KHDRBS2: variants seen among roughly 807,000 people sequenced by gnomAD.
KHDRBS2 encodes KH domain-containing, RNA-binding, signal transduction-associated protein 2.
Under a neutral mutation model 44.3 loss-of-function variants are expected in KHDRBS2, and 26 were observed. That is an observed-to-expected ratio of 0.59 (90% CI 0.43 to 0.81). The LOEUF is 0.81. Among genes scored for constraint, KHDRBS2 ranks in the 40% least tolerant of loss-of-function variants. The probability of loss-of-function intolerance (pLI) is 0.00; values close to 1 mark genes in which losing one functional copy is unlikely to be tolerated. For missense variants in KHDRBS2, 476 were observed against 433.1 expected (o/e 1.10, Z -0.88); for synonymous variants, 194 against 151.1 (o/e 1.28, Z -2.08).
chr6:61,909,041 C>T (rs1040044269), intron 4 of KHDRBS2, among the ~76,000 whole-genome samples: 11 of 151,614 alleles, frequency 7.3e-5, no homozygotes, highest in African/African-American at 2.4e-4. Flanking sequence ...TCTACTGGGG[C>T]TTAAATAGCA....
chr6:61,661,334 A>T, the KHDRBS2 span: 1 of 151,822 alleles, frequency 6.6e-6, no homozygotes, highest in Non-Finnish European at 1.5e-5. Context: ...GGTTTATTCC[A>T]GTTTTTCGTT....
chr6:61,689,425 TGTGA>T (rs1282771537), intron 8 of KHDRBS2, among the ~76,000 whole-genome samples: 10 of 151,952 alleles, frequency 6.6e-5, no homozygotes, highest in African/African-American at 2.4e-4. Context: ...CCCCCAAACT[TGTGA>T]GTGTTGTATG....
At chr6:61,855,798 C>T (rs768649533) in intron 6 of KHDRBS2, among the ~76,000 whole-genome samples, 3 of 151,930 alleles carry the variant, frequency 2.0e-5, no homozygotes, top group Non-Finnish European at 4.4e-5. Flanking sequence ...AGTTCTGAAG[C>T]GCTTTCAACA....
intron 4 of KHDRBS2, among the ~76,000 whole-genome samples, chr6:61,937,038 T>C (rs1486195684): frequency 6.6e-6 from 1 of 152,016 alleles, no homozygotes; most frequent in Non-Finnish European, 1.5e-5. Context: ...ATTTTCTTGA[T>C]TCTCTCCCTG....
chr6:61,710,719 A>T (rs1770359373), intron 7 of KHDRBS2, among the ~76,000 whole-genome samples: 1 of 148,210 alleles, frequency 6.7e-6, no homozygotes, highest in Non-Finnish European at 1.5e-5. Flanking sequence ...CCTAGGCAAG[A>T]TTCACCCTTT....
the KHDRBS2 span, among the ~76,000 whole-genome samples, chr6:61,581,101 T>TCTA: frequency 3.9e-5 from 6 of 152,212 alleles, no homozygotes; most frequent in African/African-American, 1.4e-4. Flanking sequence ...ATTCCCCTTT[T>TCTA]CTACTCATCC....
At chr6:61,583,843 A>G in the KHDRBS2 span, among the ~76,000 whole-genome samples, 1 of 151,612 alleles carries the variant, frequency 6.6e-6, no homozygotes, top group South Asian at 2.1e-4. Context: ...CAACCCATAA[A>G]CACAGTGTAT....
At chr6:61,997,387 A>G (rs1282539053) in intron 3 of KHDRBS2, among the ~76,000 whole-genome samples, 1 of 152,190 alleles carries the variant, frequency 6.6e-6, no homozygotes. Flanking sequence ...GGATTGTCAC[A>G]TGTATTGCTG....
At chr6:62,112,875 T>A (rs1382784433) in intron 2 of KHDRBS2, among the ~76,000 whole-genome samples, 1 of 152,144 alleles carries the variant, frequency 6.6e-6, no homozygotes, top group African/African-American at 2.4e-5. Context: ...GGAATTATCA[T>A]GTAGGTGAAA....
intron 6 of KHDRBS2, among the ~76,000 whole-genome samples, chr6:61,749,014 T>C (rs866526800): frequency 0.015 from 2,011 of 135,142 alleles, 5 homozygotes; most frequent in Non-Finnish European, 0.022. Flanking sequence ...TCTTTCTTTT[T>C]TTTTTTTTTT....
chr6:62,285,839 C>A lies in KHDRBS2; in HGVS notation c.91+19G>T. The A allele has an allele frequency of 6.3e-7, 1 of 1,594,028 alleles. No homozygotes were observed. Among genetic ancestry groups the A allele is most frequent in the South Asian group, 1.1e-5 (1 of 89,976 alleles). ...TAGGCAGCCGGCGGTTTGTGCCCAT[C>A]TGTGGGGGCAAGTCCTACCTTCTGC... is the stretch of plus-strand genomic sequence containing the variant. On this transcript the variant is annotated intron_variant, in intron 1 of 8. Coordinates refer to ENST00000281156, the MANE Select transcript of KHDRBS2 (RefSeq NM_152688.4).
chr6:61,686,480 TGTTAG>T (rs1420554370), intron 8 of KHDRBS2, among the ~76,000 whole-genome samples: 5 of 151,782 alleles, frequency 3.3e-5, no homozygotes, highest in Admixed American at 2.6e-4. Context: ...CCAAAGAATA[TGTTAG>T]GTTAGATGTT....
intron 7 of KHDRBS2, among the ~76,000 whole-genome samples, chr6:61,708,694 C>T (rs761019878): frequency 6.6e-6 from 1 of 151,642 alleles, no homozygotes; most frequent in South Asian, 2.1e-4. Context: ...ATACATTAAA[C>T]ATAAATAGAT....
intron 6 of KHDRBS2, among the ~76,000 whole-genome samples, chr6:61,778,770 CT>C (rs1477575085): frequency 6.6e-6 from 1 of 152,150 alleles, no homozygotes; most frequent in Admixed American, 6.6e-5. Flanking sequence ...TTTTTAATCT[CT>C]TTGCTCCACC....
intron 2 of KHDRBS2, among the ~76,000 whole-genome samples, chr6:62,169,164 CATATATGT>C (rs1457325362): frequency 1.2e-4 from 9 of 73,360 alleles, no homozygotes; most frequent in African/African-American, 4.0e-4. Context: ...TATACGTACA[CATATATGT>C]ATATATGTAT....
At chr6:61,786,304 T>G (rs1312576824) in intron 6 of KHDRBS2, among the ~76,000 whole-genome samples, 1 of 152,018 alleles carries the variant, frequency 6.6e-6, no homozygotes, top group Non-Finnish European at 1.5e-5. Context: ...CCCAAACATA[T>G]TAGCTTATTT....
intron 2 of KHDRBS2, among the ~76,000 whole-genome samples, chr6:62,104,783 T>C (rs1802760498): frequency 6.6e-6 from 1 of 151,932 alleles, no homozygotes; most frequent in Non-Finnish European, 1.5e-5. Context: ...AATTCGTAGT[T>C]ACAATAAATG....
intron 6 of KHDRBS2, among the ~76,000 whole-genome samples, chr6:61,771,497 C>T (rs1780896332): frequency 6.6e-6 from 1 of 151,994 alleles, no homozygotes; most frequent in Non-Finnish European, 1.5e-5. Flanking sequence ...GGAAGATCTA[C>T]CAAGCAAATG....
At chr6:61,738,541 T>G (rs1775719780) in intron 6 of KHDRBS2, among the ~76,000 whole-genome samples, 1 of 152,006 alleles carries the variant, frequency 6.6e-6, no homozygotes. Flanking sequence ...CAATGTGAAG[T>G]GTGGGTCTAA....
Sources: allele counts gnomAD v4.1 joint callset (sites outside exome capture counted in the v4.1 genomes callset), GRCh38; gene constraint gnomAD v4.1.1; transcripts MANE v1.5; gene names NCBI Gene and HGNC (gene_info 2026-07-23, HGNC 2026-07-21).